The following LUZP2 variants were observed in gnomAD, a reference collection of about 807,000 sequenced individuals.
The protein encoded by LUZP2 is leucine zipper protein 2.
In LUZP2, 52 loss-of-function variants were observed where a neutral mutation model predicts 51.6. The observed-to-expected ratio is 1.01, with a 90% confidence interval of 0.81 to 1.27. The LOEUF (loss-of-function observed/expected upper bound fraction) is 1.27, where lower values mean the gene tolerates loss of function less well. Among genes scored for constraint, LUZP2 ranks in the 50% most tolerant of loss-of-function variants. The pLI is 0.00. For synonymous variants in LUZP2, 154 were observed against 137.3 expected, an observed-to-expected ratio of 1.12 and a Z score of -0.85; for missense variants, 436 against 395.4, an observed-to-expected ratio of 1.10 and a Z score of -0.87.
chr11:24,949,255 T>G (rs1342402553), intron 7 of LUZP2, among the ~76,000 whole-genome samples: 1 of 151,472 alleles, frequency 6.6e-6, no homozygotes, highest in Admixed American at 6.6e-5. Context: ...ATCCTCTATT[T>G]CTTTCTTTCT....
chr11:24,815,713 C>G (rs1180838294), intron 5 of LUZP2, among the ~76,000 whole-genome samples: 1 of 152,092 alleles, frequency 6.6e-6, no homozygotes, highest in East Asian at 1.9e-4. Context: ...AATCAACTTC[C>G]TTGGAAAGCT....
intron 1 of LUZP2, among the ~76,000 whole-genome samples, chr11:24,509,639 T>C (rs1044394668): frequency 1.3e-4 from 19 of 150,216 alleles, no homozygotes; most frequent in Admixed American, 8.7e-4. Context: ...TTATATGTTA[T>C]ATACACAGAA....
At position 24,606,961 on chromosome 11, in the gene LUZP2, T is replaced by G. The variant is rs184215910; in HGVS notation, c.62+109656T>G. Among the ~76,000 whole-genome samples the G allele has an allele frequency of 1.2e-4, 18 of 152,182 alleles. No homozygotes were observed. In the East Asian group the frequency reaches 3.5e-3, roughly 29 times the overall value. On this transcript the variant is annotated intron_variant, in intron 1 of 11. Coordinates refer to ENST00000336930, the MANE Select transcript of LUZP2 (RefSeq NM_001009909.4). Reference sequence around the variant, plus strand: ...TATGTTTTCCTACGAAAAATTTGAGTTCAGGTCCTTTAATCATTCTTTACT... The same window carrying G: ...TATGTTTTCCTACGAAAAATTTGAGGTCAGGTCCTTTAATCATTCTTTACT...
At position 24,550,341 on chromosome 11, in the gene LUZP2, A is replaced by G. The variant is rs543767088; in HGVS notation, c.62+53036A>G. ...TATCATGGTTTAATGTAAGAAATCA[A>G]TTACACACATTATTTCAAGTTTGAC... On this transcript the variant is annotated intron_variant, in intron 1 of 11. Transcript: ENST00000336930. Among the ~76,000 whole-genome samples the G allele has an allele frequency of 6.1e-4, 93 of 152,244 alleles. 1 individual carries two copies. The highest frequency in any genetic ancestry group is 1.8e-3 in the African/African-American group (74 of 41,566).
intron 1 of LUZP2, among the ~76,000 whole-genome samples, chr11:24,523,498 C>CAA (rs61432027): frequency 1.3e-4 from 19 of 148,298 alleles, no homozygotes; most frequent in African/African-American, 3.0e-4. Flanking sequence ...CTTTTTTTTA[C>CAA]AAAAAAAAGA....
intron 7 of LUZP2, among the ~76,000 whole-genome samples, chr11:24,947,849 C>A (rs1288685329): frequency 1.3e-5 from 2 of 151,788 alleles, no homozygotes; most frequent in African/African-American, 4.8e-5. Flanking sequence ...GGTCTCTTGT[C>A]CATGCTAAGT....
At chr11:24,786,503 A>G (rs1849249277) in intron 5 of LUZP2, 1 of 961,758 alleles carries the variant, frequency 1.0e-6, no homozygotes, top group Non-Finnish European at 1.2e-6. Flanking sequence ...TAATGTGAAG[A>G]ATAAAATATG....
At chr11:24,572,396 T>A (rs1262216791) in intron 1 of LUZP2, among the ~76,000 whole-genome samples, 5 of 152,068 alleles carry the variant, frequency 3.3e-5, no homozygotes, top group Non-Finnish European at 5.9e-5. Flanking sequence ...TATACTTTTT[T>A]TTTGAACACA....
At chr11:24,897,714 A>G (rs188748792) in intron 5 of LUZP2, among the ~76,000 whole-genome samples, 1 of 152,362 alleles carries the variant, frequency 6.6e-6, no homozygotes, top group African/African-American at 2.4e-5. Flanking sequence ...CAGTGAGACC[A>G]AGAACCCACC....
At chr11:24,996,219 G>A (rs972455769) in intron 9 of LUZP2, among the ~76,000 whole-genome samples, 4 of 150,204 alleles carry the variant, frequency 2.7e-5, no homozygotes, top group Non-Finnish European at 5.9e-5. Context: ...TTTTTGACTG[G>A]TCATTATTTT....
chr11:24,884,021 G>T (rs188024912), intron 5 of LUZP2, among the ~76,000 whole-genome samples: 1 of 152,006 alleles, frequency 6.6e-6, no homozygotes, highest in Non-Finnish European at 1.5e-5. Flanking sequence ...AGAGAGGGTG[G>T]CAGGTGTTCA....
At chr11:24,664,061 C>CA (rs1029409681) in intron 1 of LUZP2, among the ~76,000 whole-genome samples, 32 of 151,504 alleles carry the variant, frequency 2.1e-4, no homozygotes, top group African/African-American at 4.6e-4. Flanking sequence ...ATAAGGATAC[C>CA]AAAAAAAATG....
At chr11:24,944,268 T>G (rs1290089045) in intron 7 of LUZP2, among the ~76,000 whole-genome samples, 1 of 152,168 alleles carries the variant, frequency 6.6e-6, no homozygotes, top group Non-Finnish European at 1.5e-5. Context: ...GAACCACCAC[T>G]TTAAGGTCAG....
At chr11:24,679,702 T>C (rs1364036435) in intron 1 of LUZP2, among the ~76,000 whole-genome samples, 1 of 152,176 alleles carries the variant, frequency 6.6e-6, no homozygotes, top group African/African-American at 2.4e-5. Flanking sequence ...AAGAAAATCA[T>C]GGGACTTGTA....
intron 9 of LUZP2, among the ~76,000 whole-genome samples, chr11:24,999,648 A>T (rs1362807095): frequency 2.0e-5 from 3 of 152,118 alleles, no homozygotes; most frequent in Non-Finnish European, 4.4e-5. Context: ...TACAGGTGTG[A>T]GCCTCTCTGC....
rs544681120 is a variant in LUZP2, at chr11:25,012,861, G to A, written c.765+29568G>A. Among the ~76,000 whole-genome samples the A allele has an allele frequency of 6.4e-4, 98 of 152,174 alleles. No individual in the cohort carries two copies. In the South Asian group the frequency reaches 0.018, roughly 29 times the overall value. On this transcript the variant is annotated intron_variant, in intron 9 of 11. Coordinates refer to ENST00000336930, the MANE Select transcript of LUZP2 (RefSeq NM_001009909.4). Reference sequence around the variant, plus strand: ...AGAACTACCCTTCAATATAGGCATCGCACTACTGGGTATCAACCCAAAGGA... The same window carrying A: ...AGAACTACCCTTCAATATAGGCATCACACTACTGGGTATCAACCCAAAGGA...
intron 5 of LUZP2, among the ~76,000 whole-genome samples, chr11:24,877,644 G>T (rs747675752): frequency 6.6e-6 from 1 of 151,868 alleles, no homozygotes; most frequent in Non-Finnish European, 1.5e-5. Context: ...ATTTATTATT[G>T]ATTATTGTCA....
intron 5 of LUZP2, among the ~76,000 whole-genome samples, chr11:24,878,201 C>G (rs1852339168): frequency 1.3e-5 from 2 of 149,392 alleles, no homozygotes; most frequent in Admixed American, 6.8e-5. Context: ...TTGAAGAACT[C>G]TCTTTAGCAT....
At chr11:24,576,603 C>T (rs923862735) in intron 1 of LUZP2, among the ~76,000 whole-genome samples, 5 of 151,722 alleles carry the variant, frequency 3.3e-5, no homozygotes, top group Non-Finnish European at 5.9e-5. Flanking sequence ...AAAAAACACG[C>T]GTACAGACAG....
Sources: gnomAD v4.1 joint callset for allele counts (sites outside exome capture counted in the v4.1 genomes callset) on GRCh38, gnomAD v4.1.1 for gene constraint, MANE v1.5 for transcripts, NCBI Gene and HGNC (gene_info 2026-07-23, HGNC 2026-07-21) for gene names.